Variants in COL6A2 observed in about 807,000 individuals in gnomAD.
COL6A2 encodes the protein collagen alpha-2(VI) chain.
COL6A2 carries 90 observed loss-of-function variants against 124.9 expected under a neutral mutation model. The ratio of observed to expected loss-of-function variants is 0.72; its 90% CI spans 0.61 to 0.86. The LOEUF is 0.86. Ranked by LOEUF, COL6A2 falls within the 40% of genes least tolerant of loss-of-function variation. The pLI, the probability that COL6A2 is intolerant of heterozygous loss-of-function variation, is 0.00. For synonymous variants in COL6A2, 793 were observed against 618.2 expected (o/e 1.28, Z -4.19); for missense variants, 1,607 against 1,502.5 (o/e 1.07, Z -1.15).
At position 46,124,939 on chromosome 21, in the gene COL6A2, A is replaced by T; in HGVS notation, c.1770+19A>T. ...TCTCACGGTAGGTGTCACATGGGGC[A>T]GAACCAGTGTCCTTCTCCTGCCAAA... is the stretch of plus-strand genomic sequence containing the variant. On this transcript the variant is annotated intron_variant, in intron 23 of 27. Coordinates refer to ENST00000300527, the MANE Select transcript of COL6A2 (RefSeq NM_001849.4). 6.2e-7 allele frequency: 1 copy of T among 1,612,828 alleles called. No homozygotes were observed. The highest frequency in any genetic ancestry group is 1.1e-5 in the South Asian group (1 of 91,090).
Position 46,126,061 on chromosome 21 carries a change from A to G in COL6A2, c.2246A>G (p.Asp749Gly). 1 of 1,612,910 alleles carries G rather than the reference A, an allele frequency of 6.2e-7. No individual in the cohort carries two copies. Among genetic ancestry groups the G allele is most frequent in the Non-Finnish European group, 8.5e-7 (1 of 1,179,998 alleles). ...DDDLNLRALCDRDVTVTAIGI... is the reference protein window; with the variant it reads ...DDDLNLRALCGRDVTVTAIGI... ...GACCTCAACTTGCGGGCGCTGTGCG[A>G]CCGCGACGTCACAGTGACGGCCATC... Residue 749 changes from aspartate (D) to glycine (G), a missense_variant, in exon 26 of 28, where the codon GAC becomes GGC. Asp to Gly is a moderately conservative substitution (Grantham distance 94). This residue lies in a region of COL6A2 where 1,223 missense variants were observed against 1,052.2 expected (regional missense o/e 1.16). Transcript: ENST00000300527.
chr21:46,117,563 C>G, intron 11 of COL6A2, 110 bp downstream of exon 11: 1 of 1,081,948 alleles, frequency 9.2e-7, no homozygotes. Flanking sequence ...TCCCGGCAGC[C>G]CAGCAGCCCC....
Position 46,125,559 on chromosome 21 carries a change from C to T in COL6A2, c.1911C>T (p.Phe637=), listed in dbSNP as rs746339542. 2.7e-5 allele frequency: 44 copies of T among 1,612,682 alleles called. No homozygotes were observed. The highest frequency in any genetic ancestry group is 4.5e-5 in the East Asian group (2 of 44,862). Residue 637 remains phenylalanine (F), a synonymous_variant, in exon 25 of 28, where the codon TTC becomes TTT. Coordinates refer to ENST00000300527, the MANE Select transcript of COL6A2 (RefSeq NM_001849.4). The part of the protein sequence containing the change: ...GYTNFTLEKN[F]VINVVNRLGA... The stretch of plus-strand genomic sequence containing the variant: ...CCAACTTCACACTGGAGAAGAACTT[C>T]GTCATCAACGTGGTCAACAGGCTGG...
At chr21:46,118,995 C>T (rs183142011) in intron 13 of COL6A2, 35 bp from the exon 14 acceptor site, 1 of 1,503,278 alleles carries the variant, frequency 6.7e-7, no homozygotes, top group East Asian at 2.3e-5. Context: ...AGGGCCCCTG[C>T]CTCTGGGTGA....
intron 1 of COL6A2, chr21:46,098,801 G>C (rs913751689): frequency 4.6e-5 from 7 of 152,230 alleles, no homozygotes; most frequent in Non-Finnish European, 8.8e-5. Context: ...GACGGAGGCG[G>C]CTCCCCAGGG....
chr21:46,126,174 A>G lies in COL6A2; in HGVS notation c.2359A>G (p.Thr787Ala). Residue 787 changes from threonine (T) to alanine (A), a missense_variant, in exon 26 of 28, where the codon ACG becomes GCG. Thr to Ala is a moderately conservative substitution (Grantham distance 58). Around this residue, in one of 3 missense-constraint regions of COL6A2, gnomAD observed 1,223 missense variants for 1,052.2 expected, o/e 1.16. Coordinates refer to ENST00000300527, the MANE Select transcript of COL6A2 (RefSeq NM_001849.4). Reference protein sequence around the residue: ...CDKPQQVRNMTLFSDLVAEKF... With the variant: ...CDKPQQVRNMALFSDLVAEKF... ...CAAGCCACAGCAGGTGCGCAACATG[A>G]CGCTGTTCTCCGACCTGGTCGCTGA... 1 of 1,608,016 alleles carries G rather than the reference A, an allele frequency of 6.2e-7. No individual in the cohort carries two copies. Among genetic ancestry groups the G allele is most frequent in the South Asian group, 1.1e-5 (1 of 91,076 alleles).
intron 1 of COL6A2, among the ~76,000 whole-genome samples, chr21:46,099,662 G>A (rs1411427709): frequency 3.3e-5 from 5 of 152,112 alleles, no homozygotes; most frequent in Non-Finnish European, 7.4e-5. Context: ...GCGGGGCACT[G>A]GCTGGGACGG....
At chr21:46,124,541 C>G (rs1019204091) in intron 21 of COL6A2, 110 bp from the exon 22 acceptor site, 17 of 923,720 alleles carry the variant, frequency 1.8e-5, no homozygotes, top group South Asian at 8.6e-5. Context: ...CTGTTAGCCC[C>G]CCCCCCCGCC....
At chr21:46,131,545 T>G (rs73161632) in intron 27 of COL6A2, among the ~76,000 whole-genome samples, 18,928 of 151,994 alleles carry the variant, frequency 0.12, 1,557 homozygotes, top group African/African-American at 0.23. Context: ...AGGCTGGGGG[T>G]GTCAGAGCCA....
At chr21:46,125,422 G>A in intron 24 of COL6A2, 43 bp from the exon 25 acceptor site, 1 of 1,611,264 alleles carries the variant, frequency 6.2e-7, no homozygotes, top group Non-Finnish European at 8.5e-7. Context: ...CCTAGGGTCT[G>A]AGGTCTCCCC....
rs1264204213 is a variant in COL6A2, at chr21:46,132,360, T to C, written c.2868T>C (p.Ser956=). 6.2e-7 allele frequency: 1 copy of C among 1,608,724 alleles called. No individual in the cohort carries two copies. The highest frequency in any genetic ancestry group is 8.5e-7 in the Non-Finnish European group (1 of 1,179,556). The part of the protein sequence containing the change: ...FLTDGVTGND[S]LHESAHSMRK... ...CGGACGGCGTCACGGGCAACGACAG[T>C]CTGCACGAGTCGGCGCACTCCATGC... The change falls in exon 28 of 28, where the codon AGT becomes AGC. Residue 956 remains serine, a synonymous_variant. Transcript: ENST00000300527.
intron 16 of COL6A2, among the ~76,000 whole-genome samples, chr21:46,120,823 G>A (rs1359421282): frequency 1.3e-5 from 2 of 152,144 alleles, no homozygotes; most frequent in Non-Finnish European, 2.9e-5. Flanking sequence ...CCCAGGTGAG[G>A]GCTGCAACCC....
At chr21:46,122,640 A>ATGG (rs2078585076) in intron 20 of COL6A2, 109 bp downstream of exon 20, 3 of 1,310,694 alleles carry the variant, frequency 2.3e-6, no homozygotes, top group African/African-American at 1.4e-5. Context: ...CTGTCTTGAG[A>ATGG]TGGTCCTGGC....
chr21:46,108,076 C>T (rs1036007122), intron 1 of COL6A2, among the ~76,000 whole-genome samples: 6 of 150,778 alleles, frequency 4.0e-5, no homozygotes, highest in African/African-American at 1.2e-4. Flanking sequence ...CTCTTTCTTT[C>T]TCTCTTTCTC....
At position 46,129,475 on chromosome 21, in the gene COL6A2, C is replaced by T. The variant is rs759546724; in HGVS notation, c.2462-2479C>T. 6.7e-5 allele frequency: 107 copies of T among 1,588,738 alleles called. 1 individual carries two copies. The highest frequency in any genetic ancestry group is 8.5e-5 in the Admixed American group (5 of 59,012). Reference sequence around the variant, plus strand: ...GACATCGTGGGGGACCCCGAGACCGCGCTGGCCCTCTGCTAAAGCCCGGGC... The same window carrying T: ...GACATCGTGGGGGACCCCGAGACCGTGCTGGCCCTCTGCTAAAGCCCGGGC... On this transcript the variant is annotated intron_variant, in intron 27 of 27. Transcript: ENST00000300527.
chr21:46,117,783 C>A, intron 11 of COL6A2, 91 bp from the exon 12 acceptor site: 1 of 1,359,838 alleles, frequency 7.4e-7, no homozygotes, highest in Non-Finnish European at 1.0e-6. Context: ...GAGGTGCGTC[C>A]CGGGCTGGGA....
At chr21:46,119,004 G>T in intron 13 of COL6A2, 26 bp from the exon 14 acceptor site, 1 of 1,545,734 alleles carries the variant, frequency 6.5e-7, no homozygotes, top group South Asian at 1.1e-5. Flanking sequence ...GCCTCTGGGT[G>T]ACTGTGCTGT....
chr21:46,126,591 G>A (rs759131461), intron 27 of COL6A2, 50 bp downstream of exon 27: 3 of 1,610,784 alleles, frequency 1.9e-6, no homozygotes, highest in Admixed American at 3.3e-5. Flanking sequence ...AAGCAGCCCT[G>A]GTGTCCTTCC....
chr21:46,118,028 G>C (rs1325297669), intron 12 of COL6A2, 92 bp downstream of exon 12: 11 of 1,242,230 alleles, frequency 8.9e-6, no homozygotes, highest in Non-Finnish European at 1.2e-5. Context: ...TGAGCAGAGA[G>C]GGCCTTTCTG....
Sources: gnomAD v4.1 joint callset for allele counts (sites outside exome capture counted in the v4.1 genomes callset) on GRCh38, gnomAD v4.1.1 for gene constraint, gnomAD v4.1.1 regional missense constraint, MANE v1.5 for transcripts, NCBI Gene and HGNC (gene_info 2026-07-23, HGNC 2026-07-21) for gene names.